The following RASSF3 variants were observed in gnomAD, a reference collection of about 807,000 sequenced individuals.
RASSF3 encodes the protein ras association domain-containing protein 3.
A neutral mutation model predicts 19.9 loss-of-function variants in RASSF3; 19 were observed. The ratio of observed to expected loss-of-function variants is 0.96; its 90% CI spans 0.67 to 1.40. The LOEUF is 1.40. Among genes scored for constraint, RASSF3 ranks in the 40% most tolerant of loss-of-function variants. The pLI, the probability that RASSF3 is intolerant of heterozygous loss-of-function variation, is 0.00. For missense variants in RASSF3, 306 were observed against 289.8 expected, an observed-to-expected ratio of 1.06 and a Z score of -0.41; for synonymous variants, 110 against 104.2, an observed-to-expected ratio of 1.06 and a Z score of -0.34.
At chr12:64,681,075 G>C (rs901452554) in intron 1 of RASSF3, among the ~76,000 whole-genome samples, 2 of 152,146 alleles carry the variant, frequency 1.3e-5, no homozygotes, top group Admixed American at 1.3e-4. Flanking sequence ...GGGGCCTAAG[G>C]CTGGGTGTTA....
intron 1 of RASSF3, among the ~76,000 whole-genome samples, chr12:64,681,194 T>G (rs1873113035): frequency 6.6e-6 from 1 of 152,244 alleles, no homozygotes; most frequent in Non-Finnish European, 1.5e-5. Context: ...TGAGTGGTAG[T>G]AAGCCCCTAG....
intron 1 of RASSF3, among the ~76,000 whole-genome samples, chr12:64,509,408 C>A (rs763128980): frequency 6.6e-6 from 1 of 152,198 alleles, no homozygotes; most frequent in Non-Finnish European, 1.5e-5. Flanking sequence ...TAAGATGGAA[C>A]CACTGCACCC....
chr12:64,561,248 G>A (rs565269232), intron 2 of RASSF3, among the ~76,000 whole-genome samples: 1 of 152,290 alleles, frequency 6.6e-6, no homozygotes, highest in African/African-American at 2.4e-5. Context: ...TGTATCTTGT[G>A]AGTCATAGTA....
At position 64,519,550 on chromosome 12, in the gene RASSF3, C is replaced by T. The variant is rs529317472; in HGVS notation, c.169+12221C>T. Among the ~76,000 whole-genome samples, 10 of 152,138 alleles carry T rather than the reference C, an allele frequency of 6.6e-5. No homozygotes were observed. In the South Asian group the frequency reaches 1.5e-3, roughly 22 times the overall value. ...TACATTTTATTGGGATGTGATTTAC[C>T]TGTGCATCAAAATTGACCCAACTGG... is the stretch of plus-strand genomic sequence containing the variant. On this transcript the variant is annotated intron_variant, in intron 1 of 5. Coordinates refer to the RASSF3 transcript ENST00000637125.
intron 1 of RASSF3, among the ~76,000 whole-genome samples, chr12:64,681,650 G>A (rs991212271): frequency 6.6e-6 from 1 of 152,186 alleles, no homozygotes; most frequent in African/African-American, 2.4e-5. Flanking sequence ...TTCTTCTTCA[G>A]CTATGACTGG....
chr12:64,583,090 C>T (rs552924386), intron 2 of RASSF3, among the ~76,000 whole-genome samples: 1 of 152,222 alleles, frequency 6.6e-6, no homozygotes, highest in African/African-American at 2.4e-5. Context: ...TCCTCTACCC[C>T]ACCTCCGCCC....
chr12:64,616,313 G>A (rs1870549015), intron 1 of RASSF3, among the ~76,000 whole-genome samples: 2 of 152,098 alleles, frequency 1.3e-5, no homozygotes. Flanking sequence ...GAAAAGAAAG[G>A]CTAAAAATAT....
At chr12:64,565,186 G>A (rs1869408919) in intron 2 of RASSF3, among the ~76,000 whole-genome samples, 1 of 150,292 alleles carries the variant, frequency 6.7e-6, no homozygotes, top group Non-Finnish European at 1.5e-5. Flanking sequence ...AAAAAAGCCT[G>A]GTCCATGAAT....
At chr12:64,530,209 T>C (rs1868678009), upstream of RASSF3, among the ~76,000 whole-genome samples, 1 of 152,230 alleles carries the variant, frequency 6.6e-6, no homozygotes, top group Admixed American at 6.6e-5. Context: ...TAATATATAT[T>C]CTTTTTTGTC....
chr12:64,604,162 G>A (rs1349474301), intron 2 of RASSF3, among the ~76,000 whole-genome samples: 3 of 140,580 alleles, frequency 2.1e-5, no homozygotes, highest in South Asian at 2.3e-4. Context: ...GTTTGACTCC[G>A]TTGCCCAGGC....
chr12:64,524,570 C>T (rs1868546134), intron 1 of RASSF3, among the ~76,000 whole-genome samples: 2 of 152,100 alleles, frequency 1.3e-5, no homozygotes, highest in African/African-American at 4.8e-5. Flanking sequence ...AACACACCCC[C>T]AGAAGAAGAC....
chr12:64,595,101 T>C (rs1233420928), intron 2 of RASSF3, among the ~76,000 whole-genome samples: 1 of 144,540 alleles, frequency 6.9e-6, no homozygotes, highest in Non-Finnish European at 1.5e-5. Context: ...ACAGTCTTGC[T>C]CTGTCGCCCA....
intron 1 of RASSF3, among the ~76,000 whole-genome samples, chr12:64,652,241 C>T (rs1391552280): frequency 6.6e-6 from 1 of 152,130 alleles, no homozygotes; most frequent in Non-Finnish European, 1.5e-5. Context: ...ATGTAATCTT[C>T]TTAATAGATA....
At chr12:64,688,704 G>T (rs693179) in intron 3 of RASSF3, among the ~76,000 whole-genome samples, 56,834 of 151,786 alleles carry the variant, frequency 0.37, 11,556 homozygotes, top group Middle Eastern at 0.5. Flanking sequence ...GTATTTTGTG[G>T]TGTTGGTGGG....
intron 2 of RASSF3, among the ~76,000 whole-genome samples, chr12:64,687,118 C>T (rs1592471472): frequency 6.6e-6 from 1 of 151,786 alleles, no homozygotes; most frequent in African/African-American, 2.4e-5. Flanking sequence ...CTCAGCCTCC[C>T]GAGTAGCTGG....
chr12:64,567,329 G>C (rs1869448153), intron 2 of RASSF3, among the ~76,000 whole-genome samples: 1 of 152,156 alleles, frequency 6.6e-6, no homozygotes, highest in Non-Finnish European at 1.5e-5. Context: ...TCTCCTACCT[G>C]GGGGTCACAA....
At chr12:64,675,250 T>C (rs184104356) in intron 1 of RASSF3, among the ~76,000 whole-genome samples, 1 of 152,316 alleles carries the variant, frequency 6.6e-6, no homozygotes, top group East Asian at 1.9e-4. Flanking sequence ...AGTTAATGAA[T>C]ATCACATAAG....
chr12:64,662,630 A>G, intron 1 of RASSF3, among the ~76,000 whole-genome samples: 1 of 152,244 alleles, frequency 6.6e-6, no homozygotes, highest in Non-Finnish European at 1.5e-5. Context: ...GTCAGTTGCA[A>G]GAAGTAAATA....
chr12:64,574,926 G>A (rs999341682), intron 2 of RASSF3, among the ~76,000 whole-genome samples: 3 of 152,140 alleles, frequency 2.0e-5, no homozygotes, highest in African/African-American at 4.8e-5. Flanking sequence ...ATTGATACAG[G>A]TTATCTACAA....
Sources: gnomAD v4.1 joint callset for allele counts (sites outside exome capture counted in the v4.1 genomes callset) on GRCh38, gnomAD v4.1.1 for gene constraint, MANE v1.5 for transcripts, NCBI Gene and HGNC (gene_info 2026-07-23, HGNC 2026-07-21) for gene names.